Variants in TUFM observed in about 807,000 individuals in gnomAD.
TUFM encodes the protein Tu translation elongation factor, mitochondrial.
A neutral mutation model predicts 45.0 loss-of-function variants in TUFM; 23 were observed. That is an observed-to-expected ratio of 0.51 (90% CI 0.37 to 0.72). TUFM has a LOEUF of 0.72. TUFM is among the 30% of genes least tolerant of loss of function. The probability of loss-of-function intolerance (pLI) is 0.00; values close to 1 mark genes in which losing one functional copy is unlikely to be tolerated. For synonymous variants in TUFM, 243 were observed against 252.9 expected (o/e 0.96, Z 0.37); for missense variants, 490 against 610.7 (o/e 0.80, Z 2.08).
chr16:28,845,107 A>G (rs771666989), intron 3 of TUFM, 52 bp from the exon 4 acceptor site: 30 of 1,596,402 alleles, frequency 1.9e-5, no homozygotes, highest in Admixed American at 3.3e-5. Flanking sequence ...TCTTCAGTTC[A>G]CATCCATATA....
At position 28,842,961 on chromosome 16, in the gene TUFM, AGAGATCT is replaced by A; in HGVS notation, c.*7_*13del. On this transcript the variant is annotated 3_prime_UTR_variant, in exon 10 of 10. Transcript: ENST00000313511. The stretch of plus-strand genomic sequence containing the variant: ...GCCTTAAACGCAAGGGAAGCTGAGC[AGAGATCT>A]GCACACTCAACCCCATTTGATATTC... 6.2e-7 allele frequency: 1 copy of A among 1,613,846 alleles called. No homozygotes were observed. Among genetic ancestry groups the A allele is most frequent in the South Asian group, 1.1e-5 (1 of 91,054 alleles).
rs1342548394 is a variant in TUFM at position 28,843,071 on chromosome 16, A to C, written c.1272T>G (p.Arg424=). ...RQPMILEKGQ[R]FTLRDGNRTI... ...TCCGGTTGCCATCTCGCAGGGTGAA[A>C]CGCTGGCCTTTCTCTAAGATCATTG... Residue 424 remains arginine, a synonymous_variant, in exon 10 of 10, where the codon CGT becomes CGG. Coordinates refer to ENST00000313511, the MANE Select transcript of TUFM (RefSeq NM_003321.5). The C allele has an allele frequency of 2.5e-6, 4 of 1,614,178 alleles. No homozygotes were observed. Among genetic ancestry groups the C allele is most frequent in the Non-Finnish European group, 3.4e-6 (4 of 1,180,036 alleles).
intron 2 of TUFM, 99 bp from the exon 3 acceptor site, chr16:28,845,579 C>G: frequency 7.1e-7 from 1 of 1,402,840 alleles, no homozygotes; most frequent in South Asian, 1.2e-5. Context: ...TACATAACCT[C>G]CTCCAATCTC....
chr16:28,844,555 T>A lies in TUFM; in HGVS notation c.685-4A>T. On this transcript the variant is annotated splice_region_variant and splice_polypyrimidine_tract_variant and intron_variant, in intron 5 of 9. Coordinates refer to ENST00000313511, the MANE Select transcript of TUFM (RefSeq NM_003321.5). This position sits in a 1 kb window ranked among gnomAD's most constrained non-coding sequence, Gnocchi z 5.8. ...GGCCTAACTCAGGGTCCCGACCCTG[T>A]TGAGGGGAAGTGCCAGGACTCTGAA... is the stretch of plus-strand genomic sequence containing the variant. The A allele has an allele frequency of 6.2e-7, 1 of 1,613,528 alleles. No homozygotes were observed. The highest frequency in any genetic ancestry group is 8.5e-7 in the Non-Finnish European group (1 of 1,180,012).
chr16:28,844,202 C>A lies in TUFM; in HGVS notation c.922+28G>T. ...GGGGTAAGGCCACCCTTCAGCCAGGCCCTGCTCTCCAGACTGGCTTCCCAA... is the reference window on the plus strand; with the variant it reads ...GGGGTAAGGCCACCCTTCAGCCAGGACCTGCTCTCCAGACTGGCTTCCCAA... On this transcript the variant is annotated intron_variant, in intron 7 of 9. Coordinates refer to ENST00000313511, the MANE Select transcript of TUFM (RefSeq NM_003321.5). This position sits in a 1 kb window ranked among gnomAD's most constrained non-coding sequence, Gnocchi z 5.8. 1 of 1,613,962 alleles carries A rather than the reference C, an allele frequency of 6.2e-7. No individual in the cohort carries two copies. Among genetic ancestry groups the A allele is most frequent in the South Asian group, 1.1e-5 (1 of 91,078 alleles).
At position 28,846,222 on chromosome 16, in the gene TUFM, G is replaced by C. The variant is rs747426676; in HGVS notation, c.48C>G (p.Phe16Leu). Residue 16 changes from phenylalanine to leucine, a missense_variant, in exon 1 of 10, where the codon TTC becomes TTG. Transcript: ENST00000313511. ...AATLLRATPH[F>L]SGLAAGRTFL... ...TCGCCCTCCCTGACCACTCACCGCT[G>C]AAGTGGGGCGTCGCGCGCAGCAGGG... 19 of 1,577,032 alleles carry C rather than the reference G, an allele frequency of 1.2e-5. No individual in the cohort carries two copies. The South Asian group carries it at 2.0e-4, about 16-fold the overall frequency.
In TUFM at chr16:28,844,178, G is replaced by A; in HGVS notation, c.922+52C>T. 1.2e-6 allele frequency: 2 copies of A among 1,613,474 alleles called. No homozygotes were observed. Among genetic ancestry groups the A allele is most frequent in the Non-Finnish European group, 1.7e-6 (2 of 1,179,392 alleles). ...GAGGGAAGGCACAAGGGATCTGCCG[G>A]GGTAAGGCCACCCTTCAGCCAGGCC... On this transcript the variant is annotated intron_variant, in intron 7 of 9. Transcript: ENST00000313511. This position sits in a 1 kb window ranked among gnomAD's most constrained non-coding sequence, Gnocchi z 5.8.
rs1406451993 is a variant in TUFM at position 28,843,108 on chromosome 16, A to G, written c.1235T>C (p.Ile412Thr). The G allele has an allele frequency of 3.1e-6, 5 of 1,614,042 alleles. No homozygotes were observed. In the Admixed American group the frequency reaches 8.3e-5, roughly 27 times the overall value. ...CTCTAAGATCATTGGCTGCCGCAAG[A>G]TTAGGTTGAACTTCAGGTCCTCCCC... ...MPGEDLKFNL[I>T]LRQPMILEKG... The change falls in exon 10 of 10, where the codon ATC (isoleucine) becomes ACC (threonine). Residue 412 changes from isoleucine to threonine, a missense_variant. Physicochemically the swap from Ile to Thr is moderately conservative, Grantham distance 89. Coordinates refer to ENST00000313511, the MANE Select transcript of TUFM (RefSeq NM_003321.5).
intron 2 of TUFM, 80 bp downstream of exon 2, chr16:28,845,832 G>A (rs1361700150): frequency 6.4e-7 from 1 of 1,564,484 alleles, no homozygotes; most frequent in East Asian, 2.2e-5. Context: ...TCCTCCAGCA[G>A]ACACTCTGCT....
Position 28,846,262 on chromosome 16 carries a change from G to T in TUFM, c.8C>A (p.Thr3Lys). MT[T>K]MAAATLLRAT... ...GCGCAGCAGGGTGGCGGCCGCCATT[G>T]TGGTCATACTCGCGCCCCGGTAACC... The change falls in exon 1 of 10, where the codon ACA (threonine) becomes AAA (lysine). Residue 3 changes from threonine (T) to lysine (K), a missense_variant. By Grantham distance (78) the Thr-to-Lys change is moderately conservative (BLOSUM62 -1). Coordinates refer to ENST00000313511, the MANE Select transcript of TUFM (RefSeq NM_003321.5). 6.4e-7 allele frequency: 1 copy of T among 1,563,180 alleles called. No homozygotes were observed. Among genetic ancestry groups the T allele is most frequent in the Non-Finnish European group, 8.7e-7 (1 of 1,153,826 alleles).
In TUFM at chr16:28,844,021, C is replaced by G; in HGVS notation, c.1003G>C (p.Glu335Gln). 1 of 1,614,204 alleles carries G rather than the reference C, an allele frequency of 6.2e-7. No homozygotes were observed. The highest frequency in any genetic ancestry group is 8.5e-7 in the Non-Finnish European group (1 of 1,180,052). ...LGALVRGLKR[E>Q]DLRRGLVMVK... is the part of the protein sequence containing the mutation. ...ATGACCAGGCCCCGCCGCAAGTCCTCCCGCTTCAAGCCTCGGACCAGGGCC... is the reference window on the plus strand; with the variant it reads ...ATGACCAGGCCCCGCCGCAAGTCCTGCCGCTTCAAGCCTCGGACCAGGGCC... Residue 335 changes from glutamate to glutamine, a missense_variant, in exon 8 of 10, where the codon GAG becomes CAG. Transcript: ENST00000313511. This position sits in a 1 kb window ranked among gnomAD's most constrained non-coding sequence, Gnocchi z 5.8.
Position 28,842,834 on chromosome 16 carries a change from C to T in TUFM, c.*141G>A, listed in dbSNP as rs1320596588. The T allele has an allele frequency of 2.6e-6, 3 of 1,150,050 alleles. No homozygotes were observed. The highest frequency in any genetic ancestry group is 1.7e-5 in the Admixed American group (1 of 58,786). The allele number at this position is 1,150,050 out of a possible 1,614,324, so 71.2% of individuals were successfully genotyped here. Reference sequence around the variant, plus strand: ...TGACCTCCCCAGCCAGGCAGGCCAACCCTTCCGAGCAGGGGAAATGTCCAT... The same window carrying T: ...TGACCTCCCCAGCCAGGCAGGCCAATCCTTCCGAGCAGGGGAAATGTCCAT... On this transcript the variant is annotated 3_prime_UTR_variant, in exon 10 of 10. Transcript: ENST00000313511.
rs1414265506 is a variant in TUFM, at chr16:28,844,082, C to T, written c.942G>A (p.Lys314=). Residue 314 remains lysine (K), a synonymous_variant, in exon 8 of 10, where the codon AAG becomes AAA. Coordinates refer to ENST00000313511, the MANE Select transcript of TUFM (RefSeq NM_003321.5). This position sits in a 1 kb window ranked among gnomAD's most constrained non-coding sequence, Gnocchi z 5.8. ...CTCCGGCCTCGGCCCTCTCCAGGCT[C>T]TTGTGGAACATCTCAATGCCTAGGA... ...TVVTGIEMFH[K]SLERAEAGDN... 1 of 1,614,194 alleles carries T rather than the reference C, an allele frequency of 6.2e-7. No homozygotes were observed. Among genetic ancestry groups the T allele is most frequent in the Admixed American group, 1.7e-5 (1 of 60,026 alleles).
At chr16:28,845,796 T>G (rs1961934916) in intron 2 of TUFM, 116 bp downstream of exon 2, 1 of 1,314,910 alleles carries the variant, frequency 7.6e-7, no homozygotes, top group Admixed American at 1.9e-5. Flanking sequence ...GTCGCACAAA[T>G]TCGGGCTCTT....
At chr16:28,843,287 C>A in intron 9 of TUFM, 139 bp from the exon 10 acceptor site, 2 of 882,704 alleles carry the variant, frequency 2.3e-6, no homozygotes, top group Non-Finnish European at 3.7e-6. Flanking sequence ...CTTCATCCAT[C>A]CCAGGCTGTC....
chr16:28,845,307 C>T lies in TUFM; in HGVS notation c.414+7G>A. On this transcript the variant is annotated splice_region_variant and intron_variant, in intron 3 of 9. Coordinates refer to ENST00000313511, the MANE Select transcript of TUFM (RefSeq NM_003321.5). ...GGCCCTGTCTCCAGTGTCCCAGCAA[C>T]CCTCACCTTAACATAATCTGCATGA... 16 of 1,614,132 alleles carry T rather than the reference C, an allele frequency of 9.9e-6. No individual in the cohort carries two copies. Among genetic ancestry groups the T allele is most frequent in the Non-Finnish European group, 1.2e-5 (14 of 1,180,032 alleles).
In TUFM at chr16:28,844,359, C is replaced by T; in HGVS notation, c.818-25G>A. 6.2e-7 allele frequency: 1 copy of T among 1,614,184 alleles called. No individual in the cohort carries two copies. Among genetic ancestry groups the T allele is most frequent in the Non-Finnish European group, 8.5e-7 (1 of 1,180,036 alleles). On this transcript the variant is annotated intron_variant, in intron 6 of 9. Coordinates refer to ENST00000313511, the MANE Select transcript of TUFM (RefSeq NM_003321.5). The surrounding 1 kb of genome is among the most constrained non-coding windows in gnomAD (Gnocchi z 5.8). ...CCTGGGAGGGAATAAGACAGGATATCAGGGACCCCGAGCTAGGCTTCTGCT... is the reference window on the plus strand; with the variant it reads ...CCTGGGAGGGAATAAGACAGGATATTAGGGACCCCGAGCTAGGCTTCTGCT...
chr16:28,845,515 G>C (rs1961921250), intron 2 of TUFM, 35 bp from the exon 3 acceptor site: 14 of 1,613,598 alleles, frequency 8.7e-6, no homozygotes, highest in African/African-American at 1.3e-5. Flanking sequence ...CTCAGCTAAA[G>C]TTCCAGTGCT....
Position 28,844,664 on chromosome 16 carries a change from C to T in TUFM, c.684+34G>A. On this transcript the variant is annotated intron_variant, in intron 5 of 9. Transcript: ENST00000313511. The surrounding 1 kb of genome is among the most constrained non-coding windows in gnomAD (Gnocchi z 5.8). The stretch of plus-strand genomic sequence containing the variant: ...CTGGGTGCCCATCCAGCCCCACCCT[C>T]TGCAGCAGCTGCCCTGCCTGACCCC... 1.2e-6 allele frequency: 2 copies of T among 1,614,168 alleles called. No homozygotes were observed. The highest frequency in any genetic ancestry group is 1.7e-6 in the Non-Finnish European group (2 of 1,180,038).
Sources: gnomAD v4.1 joint callset for allele counts on GRCh38, gnomAD v4.1.1 for gene constraint, Gnocchi (gnomAD v3.1) non-coding constraint, MANE v1.5 for transcripts, NCBI Gene and HGNC (gene_info 2026-07-23, HGNC 2026-07-21) for gene names.